Variants in IQSEC1 observed in about 807,000 individuals in gnomAD.
The protein encoded by IQSEC1 is IQ motif and SEC7 domain-containing protein 1.
In IQSEC1, 31 loss-of-function variants were observed where a neutral mutation model predicts 91.0. That is an observed-to-expected ratio of 0.34 (90% CI 0.26 to 0.46). The LOEUF (loss-of-function observed/expected upper bound fraction) is 0.46. IQSEC1 is among the 20% of genes least tolerant of loss of function. IQSEC1 has a pLI of 1.00. For missense variants in IQSEC1, 1,388 were observed against 1,575.6 expected (o/e 0.88, Z 2.02); for synonymous variants, 699 against 662.6 (o/e 1.05, Z -0.84).
At chr3:13,042,407 G>A (rs900159827) in intron 1 of IQSEC1, 6 of 152,234 alleles carry the variant, frequency 3.9e-5, no homozygotes, top group Admixed American at 2.0e-4. Flanking sequence ...ACGTCTCCGC[G>A]GAGACACGGA....
chr3:12,923,291 G>A (rs1001404980), intron 4 of IQSEC1, among the ~76,000 whole-genome samples: 2 of 152,090 alleles, frequency 1.3e-5, no homozygotes, highest in Admixed American at 6.6e-5. Flanking sequence ...GTGGGGAGTC[G>A]GGGCAGCATA....
chr3:13,171,636 C>T (rs947286068), intron 1 of IQSEC1, among the ~76,000 whole-genome samples: 2 of 152,188 alleles, frequency 1.3e-5, no homozygotes, highest in Non-Finnish European at 2.9e-5. Context: ...TGCTCATTTG[C>T]AATTTCTTCC....
chr3:13,004,094 A>G (rs1280622055), intron 1 of IQSEC1, among the ~76,000 whole-genome samples: 1 of 152,360 alleles, frequency 6.6e-6, no homozygotes, highest in East Asian at 1.9e-4. Flanking sequence ...CATTTAAAAA[A>G]TTATTGTTGG....
intron 1 of IQSEC1, among the ~76,000 whole-genome samples, chr3:12,981,834 G>C (rs1278379380): frequency 6.6e-6 from 1 of 152,178 alleles, no homozygotes; most frequent in Non-Finnish European, 1.5e-5. Flanking sequence ...ATGGGGTCAG[G>C]AGCCGGGTGA....
intron 1 of IQSEC1, among the ~76,000 whole-genome samples, chr3:13,189,027 C>A (rs551813564): frequency 8.2e-4 from 125 of 152,380 alleles, no homozygotes; most frequent in Middle Eastern, 3.4e-3. Context: ...TTGGCCTCTG[C>A]CCAGTCTCTC....
At chr3:13,034,792 G>A (rs1446073931) in intron 1 of IQSEC1, among the ~76,000 whole-genome samples, 1 of 152,216 alleles carries the variant, frequency 6.6e-6, no homozygotes, top group Non-Finnish European at 1.5e-5. Flanking sequence ...CACCTGCACC[G>A]GCTCCTGAAT....
intron 1 of IQSEC1, among the ~76,000 whole-genome samples, chr3:12,962,923 C>T (rs114561126): frequency 0.021 from 3,202 of 152,330 alleles, 118 homozygotes; most frequent in African/African-American, 0.072. Flanking sequence ...GGATACCAGA[C>T]ATCTGTTGTG....
rs949141225 is a variant in IQSEC1 at position 12,908,181 on chromosome 3, G to A, written c.2755+168C>T. Among the ~76,000 whole-genome samples the A allele has an allele frequency of 1.3e-5, 2 of 152,198 alleles. No individual in the cohort carries two copies. Among genetic ancestry groups the A allele is most frequent in the South Asian group, 2.1e-4 (1 of 4,832 alleles). On this transcript the variant is annotated intron_variant, in intron 12 of 13. Coordinates refer to ENST00000613206, the MANE Select transcript of IQSEC1 (RefSeq NM_001134382.3). The surrounding 1 kb of genome is among the most constrained non-coding windows in gnomAD (Gnocchi z 4.9). ...CTGTTTCCCTGTGTCTTTTTGGGGC[G>A]CCCTTTCTGTATGTCACACGCTGCT... is the stretch of plus-strand genomic sequence containing the variant.
chr3:13,029,770 G>A (rs1703773187), intron 1 of IQSEC1, among the ~76,000 whole-genome samples: 1 of 152,232 alleles, frequency 6.6e-6, no homozygotes, highest in Admixed American at 6.5e-5. Context: ...AAGAGGACTG[G>A]TGAGGACTGG....
chr3:13,263,743 C>T (rs1695435862), intron 1 of IQSEC1, among the ~76,000 whole-genome samples: 1 of 152,102 alleles, frequency 6.6e-6, no homozygotes, highest in African/African-American at 2.4e-5. Flanking sequence ...ATGTGCCCAG[C>T]CCCACTTTTT....
chr3:13,048,148 T>G (rs1704566948), intron 1 of IQSEC1, among the ~76,000 whole-genome samples: 1 of 152,182 alleles, frequency 6.6e-6, no homozygotes, highest in African/African-American at 2.4e-5. Flanking sequence ...TTGGTGCCTG[T>G]CCCCTCACCT....
At chr3:12,946,976 C>T (rs1699220894) in intron 1 of IQSEC1, among the ~76,000 whole-genome samples, 1 of 152,234 alleles carries the variant, frequency 6.6e-6, no homozygotes, top group Admixed American at 6.5e-5. Context: ...GCCTCAGCCT[C>T]CTTCCAACAC....
chr3:12,915,466 C>T lies in IQSEC1; in HGVS notation c.2160+128G>A. ...GAGACACTCGAAAAAACCCCAAGCC[C>T]TGGCAGAATTCACCAGCCCTGCTGG... On this transcript the variant is annotated intron_variant, in intron 7 of 13. Coordinates refer to ENST00000613206, the MANE Select transcript of IQSEC1 (RefSeq NM_001134382.3). 4 of 1,020,086 alleles carry T rather than the reference C, an allele frequency of 3.9e-6. No individual in the cohort carries two copies. The South Asian group carries it at 6.3e-5, about 16-fold the overall frequency. The allele number at this position is 1,020,086 out of a possible 1,614,324, so 63.2% of individuals were successfully genotyped here. A position where few individuals can be genotyped will look rare whatever the true frequency, so the allele number is the denominator to read the frequency against.
chr3:13,009,865 A>G (rs1702802744), intron 1 of IQSEC1, among the ~76,000 whole-genome samples: 1 of 152,108 alleles, frequency 6.6e-6, no homozygotes, highest in Admixed American at 6.5e-5. Context: ...CTCTGCCTCC[A>G]GTCTCCTCTG....
At chr3:12,990,333 C>T (rs746452277) in intron 1 of IQSEC1, among the ~76,000 whole-genome samples, 33 of 152,206 alleles carry the variant, frequency 2.2e-4, no homozygotes, top group Non-Finnish European at 4.4e-4. Flanking sequence ...GCAGCCTGTT[C>T]CTTGTTTGGA....
intron 1 of IQSEC1, among the ~76,000 whole-genome samples, chr3:13,065,994 C>T (rs1264877610): frequency 1.3e-5 from 2 of 152,192 alleles, no homozygotes; most frequent in South Asian, 2.1e-4. Context: ...AGGACAAATG[C>T]TGTCTGATTC....
In IQSEC1 at chr3:13,282,034, G is replaced by A. The variant is rs1695801459; in HGVS notation, c.272+677C>T. On this transcript the variant is annotated intron_variant, in intron 1 of 15. Transcript: ENST00000648114. The surrounding 1 kb of genome is among the most constrained non-coding windows in gnomAD (Gnocchi z 6.4). ...CCGGCTGGCGGGCTGCGAGCCGGTA[G>A]GGACGCTGGGGTCCAGGGCTGCTGG... is the stretch of plus-strand genomic sequence containing the variant. 6.6e-6 allele frequency among the ~76,000 whole-genome samples: 1 copy of A among 152,184 alleles called. No homozygotes were observed. Among genetic ancestry groups the A allele is most frequent in the Non-Finnish European group, 1.5e-5 (1 of 68,026 alleles).
chr3:13,033,901 A>G (rs1703936671), intron 1 of IQSEC1, among the ~76,000 whole-genome samples: 1 of 152,152 alleles, frequency 6.6e-6, no homozygotes, highest in South Asian at 2.1e-4. Context: ...GTAATGTGTG[A>G]CCAGACATCC....
In IQSEC1 at chr3:12,922,988, C is replaced by G. The variant is rs919742958; in HGVS notation, c.1731-746G>C. 2.0e-5 allele frequency among the ~76,000 whole-genome samples: 3 copies of G among 152,212 alleles called. No individual in the cohort carries two copies. Among genetic ancestry groups the G allele is most frequent in the African/African-American group, 7.2e-5 (3 of 41,456 alleles). ...TGGGGCAGAGAGAGGCCTGGCCACACAGGGCCTGACCCCTCTCCCAGGGCC... is the reference window on the plus strand; with the variant it reads ...TGGGGCAGAGAGAGGCCTGGCCACAGAGGGCCTGACCCCTCTCCCAGGGCC... On this transcript the variant is annotated intron_variant, in intron 4 of 13. Transcript: ENST00000613206. This position sits in a 1 kb window ranked among gnomAD's most constrained non-coding sequence, Gnocchi z 5.1.
Sources: allele counts gnomAD v4.1 joint callset (sites outside exome capture counted in the v4.1 genomes callset), GRCh38; gene constraint gnomAD v4.1.1; non-coding constraint Gnocchi (gnomAD v3.1); transcripts MANE v1.5; gene names NCBI Gene and HGNC (gene_info 2026-07-23, HGNC 2026-07-21).